Variants in PRMT3 observed in about 807,000 individuals in gnomAD.
The protein encoded by PRMT3 is protein arginine methyltransferase 3, also known as protein arginine N-methyltransferase 3.
In PRMT3, 62 loss-of-function variants were observed where a neutral mutation model predicts 71.9. The ratio of observed to expected loss-of-function variants is 0.86; its 90% CI spans 0.70 to 1.07. The LOEUF (loss-of-function observed/expected upper bound fraction) is 1.07, where lower values mean the gene tolerates loss of function less well. PRMT3 is among the 50% of genes least tolerant of loss of function. PRMT3 has a pLI of 0.00. For synonymous variants in PRMT3, 213 were observed against 220.4 expected (o/e 0.97, Z 0.30); for missense variants, 663 against 643.0 (o/e 1.03, Z -0.34).
chr11:20,493,830 TCATTTG>T, intron 13 of PRMT3, 83 bp from the exon 14 acceptor site: 1 of 868,978 alleles, frequency 1.2e-6, no homozygotes, highest in Non-Finnish European at 1.8e-6. Context: ...AAATGGTTTA[TCATTTG>T]CCATGTCTTA....
At chr11:20,501,462 A>G (rs986752209) in intron 15 of PRMT3, among the ~76,000 whole-genome samples, 2 of 152,166 alleles carry the variant, frequency 1.3e-5, no homozygotes, top group African/African-American at 4.8e-5. Context: ...AAATTTCATC[A>G]TACTATTGCA....
At chr11:20,474,519 A>G (rs1850731223) in intron 13 of PRMT3, among the ~76,000 whole-genome samples, 1 of 152,214 alleles carries the variant, frequency 6.6e-6, no homozygotes, top group African/African-American at 2.4e-5. Context: ...TGTATGCCCC[A>G]GCGGCTGCTC....
intron 13 of PRMT3, among the ~76,000 whole-genome samples, chr11:20,467,661 T>C (rs1850544702): frequency 6.6e-6 from 1 of 152,176 alleles, no homozygotes; most frequent in African/African-American, 2.4e-5. Context: ...TGTGATGAAA[T>C]CAGTACCAGA....
rs570902979 is a variant in PRMT3, at chr11:20,502,287, TTTAG to T, written c.1487-6012_1487-6009del. Among the ~76,000 whole-genome samples, 82 of 152,344 alleles carry T rather than the reference TTTAG, an allele frequency of 5.4e-4. 1 individual carries two copies. The East Asian group carries it at 0.015, about 28-fold the overall frequency. ...GGTATTATAGCCACTGCCTTGGCAC[TTTAG>T]TTAGGTCTGAACAATTGAAGGGAGA... On this transcript the variant is annotated intron_variant, in intron 15 of 15. Coordinates refer to ENST00000331079, the MANE Select transcript of PRMT3 (RefSeq NM_005788.4).
intron 13 of PRMT3, among the ~76,000 whole-genome samples, chr11:20,488,174 A>G (rs1368681528): frequency 6.6e-6 from 1 of 152,184 alleles, no homozygotes. Flanking sequence ...CCGTAATTTA[A>G]TGTATAGTTA....
intron 11 of PRMT3, among the ~76,000 whole-genome samples, chr11:20,455,470 A>C (rs1338371338): frequency 1.3e-5 from 2 of 152,142 alleles, no homozygotes; most frequent in African/African-American, 4.8e-5. Flanking sequence ...TGGTGATTGC[A>C]TAACTGTGTG....
intron 13 of PRMT3, among the ~76,000 whole-genome samples, chr11:20,491,827 G>C (rs921928615): frequency 6.6e-6 from 1 of 152,134 alleles, no homozygotes; most frequent in African/African-American, 2.4e-5. Flanking sequence ...TGAGACTTCT[G>C]CATTTCCTAC....
chr11:20,487,394 G>A (rs941293719), intron 13 of PRMT3, among the ~76,000 whole-genome samples: 1 of 152,180 alleles, frequency 6.6e-6, no homozygotes, highest in Non-Finnish European at 1.5e-5. Context: ...ATCATCTGCA[G>A]TAATGTAGAT....
At position 20,388,066 on chromosome 11, in the gene PRMT3, G is replaced by C; in HGVS notation, c.76G>C (p.Asp26His). ...TGAGGAGGACCTGCCAGAACTGTCG[G>C]ACAGCGGGGACGAGGCCGCCTGGGA... ...ENEEDLPELS[D>H]SGDEAAWEDE... is the part of the protein sequence containing the mutation. The change falls in exon 2 of 16, where the codon GAC becomes CAC. Residue 26 changes from aspartate (D) to histidine (H), a missense_variant. Transcript: ENST00000331079. 1 of 1,614,080 alleles carries C rather than the reference G, an allele frequency of 6.2e-7. No homozygotes were observed. Among genetic ancestry groups the C allele is most frequent in the Non-Finnish European group, 8.5e-7 (1 of 1,179,998 alleles).
intron 8 of PRMT3, among the ~76,000 whole-genome samples, chr11:20,403,461 C>T (rs1407396013): frequency 1.3e-5 from 2 of 151,862 alleles, no homozygotes; most frequent in East Asian, 3.9e-4. Context: ...CTTTATTTAC[C>T]CCATTTAGAG....
intron 10 of PRMT3, among the ~76,000 whole-genome samples, chr11:20,450,672 G>C (rs80273772): frequency 6.6e-6 from 1 of 152,038 alleles, no homozygotes; most frequent in Non-Finnish European, 1.5e-5. Context: ...GGTCAATACC[G>C]ACGTAGAGTT....
intron 9 of PRMT3, among the ~76,000 whole-genome samples, chr11:20,415,538 T>C (rs1849286364): frequency 7.2e-6 from 1 of 138,808 alleles, no homozygotes; most frequent in Non-Finnish European, 1.6e-5. Flanking sequence ...CTCTCACTTT[T>C]TCCACTAGTT....
chr11:20,409,375 TGTAA>T (rs1338613776), intron 9 of PRMT3, among the ~76,000 whole-genome samples: 1 of 152,136 alleles, frequency 6.6e-6, no homozygotes, highest in African/African-American at 2.4e-5. Flanking sequence ...CTTTTGTGGT[TGTAA>T]GTAAGATGCG....
chr11:20,428,146 T>C (rs1307396980), intron 10 of PRMT3, among the ~76,000 whole-genome samples: 1 of 152,144 alleles, frequency 6.6e-6, no homozygotes, highest in Non-Finnish European at 1.5e-5. Flanking sequence ...ATCAGTATTC[T>C]CACACCAAAG....
intron 10 of PRMT3, among the ~76,000 whole-genome samples, chr11:20,433,200 T>G (rs539622622): frequency 6.6e-6 from 1 of 152,230 alleles, no homozygotes; most frequent in South Asian, 2.1e-4. Flanking sequence ...CTCATCTCCC[T>G]TCTCCCAACC....
chr11:20,434,836 AT>A (rs2133363468), intron 10 of PRMT3, among the ~76,000 whole-genome samples: 1 of 152,066 alleles, frequency 6.6e-6, no homozygotes, highest in East Asian at 1.9e-4. Context: ...GTTTTGTTCT[AT>A]TTGCTTAGGA....
intron 3 of PRMT3, among the ~76,000 whole-genome samples, chr11:20,391,757 G>T (rs539291623): frequency 1.3e-5 from 2 of 152,302 alleles, no homozygotes; most frequent in East Asian, 1.9e-4. Flanking sequence ...ACGAGAACCA[G>T]ATAACAAGCC....
At chr11:20,485,410 G>A (rs1851047739) in intron 13 of PRMT3, among the ~76,000 whole-genome samples, 1 of 152,046 alleles carries the variant, frequency 6.6e-6, no homozygotes, top group Non-Finnish European at 1.5e-5. Context: ...GGTGCTCCAG[G>A]AATTAGTTAT....
intron 15 of PRMT3, among the ~76,000 whole-genome samples, chr11:20,505,620 T>C (rs970849675): frequency 6.6e-6 from 1 of 152,152 alleles, no homozygotes; most frequent in East Asian, 1.9e-4. Context: ...AGTTTTGGTG[T>C]CAATAAATAA....
Sources: gnomAD v4.1 joint callset for allele counts (sites outside exome capture counted in the v4.1 genomes callset) on GRCh38, gnomAD v4.1.1 for gene constraint, MANE v1.5 for transcripts, NCBI Gene and HGNC (gene_info 2026-07-23, HGNC 2026-07-21) for gene names.